Variants in XRCC5 observed in about 807,000 individuals in gnomAD.
The protein encoded by XRCC5 is X-ray repair cross complementing 5.
Under a neutral mutation model 95.7 loss-of-function variants are expected in XRCC5, and 12 were observed. That is an observed-to-expected ratio of 0.13 (90% CI 0.08 to 0.20). The LOEUF (loss-of-function observed/expected upper bound fraction) is 0.20. Ranked by LOEUF, XRCC5 falls within the 10% of genes least tolerant of loss-of-function variation. XRCC5 has a pLI of 1.00. For synonymous variants in XRCC5, 281 were observed against 290.3 expected, an observed-to-expected ratio of 0.97 and a Z score of 0.33; for missense variants, 595 against 873.9, an observed-to-expected ratio of 0.68 and a Z score of 4.02.
At chr2:216,145,042 G>A (rs1688598478) in intron 13 of XRCC5, among the ~76,000 whole-genome samples, 1 of 152,206 alleles carries the variant, frequency 6.6e-6, no homozygotes, top group Admixed American at 6.5e-5. Context: ...ACAATGGGGA[G>A]TAGAGGTGAG....
intron 8 of XRCC5, among the ~76,000 whole-genome samples, chr2:216,130,519 A>G (rs1696979575): frequency 6.6e-6 from 1 of 152,146 alleles, no homozygotes; most frequent in South Asian, 2.1e-4. Context: ...TATGTTTACA[A>G]ATCATGCTGT....
Position 216,161,282 on chromosome 2 carries a change from A to T in XRCC5, c.1765-697A>T, listed in dbSNP as rs556346250. Among the ~76,000 whole-genome samples, 7 of 152,248 alleles carry T rather than the reference A, an allele frequency of 4.6e-5. No individual in the cohort carries two copies. In the South Asian group the frequency reaches 1.5e-3, roughly 32 times the overall value. On this transcript the variant is annotated intron_variant, in intron 15 of 20. Transcript: ENST00000392132. ...AAGCTTTAGTATATTTTGGAACCCC[A>T]TTGTTTTCTTTCTTATGAGCTGAGT...
chr2:216,139,802 C>A (rs1442522227), intron 12 of XRCC5, among the ~76,000 whole-genome samples: 2 of 152,178 alleles, frequency 1.3e-5, no homozygotes, highest in African/African-American at 4.8e-5. Context: ...GCCATCACGT[C>A]CAGCCCAGAA....
intron 10 of XRCC5, among the ~76,000 whole-genome samples, chr2:216,135,409 A>G (rs1019219777): frequency 1.3e-5 from 2 of 152,208 alleles, no homozygotes; most frequent in African/African-American, 4.8e-5. Context: ...TGATGCCAGA[A>G]TAGAGGAACG....
intron 14 of XRCC5, among the ~76,000 whole-genome samples, chr2:216,157,047 G>A (rs1688856490): frequency 6.6e-6 from 1 of 152,128 alleles, no homozygotes; most frequent in Non-Finnish European, 1.5e-5. Flanking sequence ...AGAGCAGTGT[G>A]CCCAGCAACA....
chr2:216,137,084 C>T lies in XRCC5; in HGVS notation c.1114-4C>T. ...TGTGTTAATACATCCATCTTTCTTA[C>T]CAGGCAGCTGCAGTTGCACTTTCCT... On this transcript the variant is annotated splice_polypyrimidine_tract_variant and splice_region_variant and intron_variant, in intron 10 of 20. Coordinates refer to ENST00000392132, the MANE Select transcript of XRCC5 (RefSeq NM_021141.4). 1.2e-6 allele frequency: 2 copies of T among 1,611,988 alleles called. No homozygotes were observed. The highest frequency in any genetic ancestry group is 1.7e-6 in the Non-Finnish European group (2 of 1,179,026).
chr2:216,134,253 A>G (rs1482132821), intron 10 of XRCC5, among the ~76,000 whole-genome samples: 2 of 152,202 alleles, frequency 1.3e-5, no homozygotes, highest in African/African-American at 2.4e-5. Context: ...TCATTAGCAT[A>G]TAATTTTTTG....
intron 16 of XRCC5, among the ~76,000 whole-genome samples, chr2:216,167,351 T>C (rs1038592590): frequency 2.0e-4 from 30 of 152,136 alleles, no homozygotes; most frequent in African/African-American, 7.0e-4. Context: ...TTCCAAGCAA[T>C]TTCAGCACTA....
At chr2:216,189,070 AGATTCTTAGCACC>A (rs1165725274) in intron 16 of XRCC5, among the ~76,000 whole-genome samples, 1 of 152,262 alleles carries the variant, frequency 6.6e-6, no homozygotes, top group Non-Finnish European at 1.5e-5. Context: ...GGAAATAAGT[AGATTCTTAGCACC>A]GATTTCATGT....
chr2:216,125,898 T>C lies in XRCC5; in HGVS notation c.684-19T>C. 6.3e-7 allele frequency: 1 copy of C among 1,596,868 alleles called. No homozygotes were observed. Among genetic ancestry groups the C allele is most frequent in the South Asian group, 1.1e-5 (1 of 90,602 alleles). On this transcript the variant is annotated intron_variant, in intron 6 of 20. Transcript: ENST00000392132. ...CATTTAAAAATTGTTGCTTTCATTT[T>C]ATATTTTTCTTTATTAAGTGAGAGT...
At chr2:216,151,258 A>G (rs533075891) in intron 14 of XRCC5, among the ~76,000 whole-genome samples, 1 of 152,344 alleles carries the variant, frequency 6.6e-6, no homozygotes, top group South Asian at 2.1e-4. Context: ...CTCATCATAT[A>G]AAAGCATTGC....
intron 17 of XRCC5, among the ~76,000 whole-genome samples, chr2:216,192,117 G>A (rs1185194484): frequency 1.3e-5 from 2 of 152,156 alleles, no homozygotes; most frequent in African/African-American, 2.4e-5. Flanking sequence ...TCCTGCCTCA[G>A]CCTTCCAAGT....
At chr2:216,179,174 T>A (rs1689334901) in intron 16 of XRCC5, among the ~76,000 whole-genome samples, 1 of 152,212 alleles carries the variant, frequency 6.6e-6, no homozygotes, top group African/African-American at 2.4e-5. Flanking sequence ...CAATGCTCTC[T>A]TGTAGCCTTT....
At chr2:216,134,553 G>T (rs181917592) in intron 10 of XRCC5, among the ~76,000 whole-genome samples, 1 of 150,930 alleles carries the variant, frequency 6.6e-6, no homozygotes, top group Non-Finnish European at 1.5e-5. Context: ...TCAGCCTCCC[G>T]AGTAGCTGGG....
chr2:216,127,539 C>G lies in XRCC5; in HGVS notation c.802C>G (p.Leu268Val), dbSNP rs1218759921. 1 of 1,592,504 alleles carries G rather than the reference C, an allele frequency of 6.3e-7. No homozygotes were observed. Among genetic ancestry groups the G allele is most frequent in the Non-Finnish European group, 8.5e-7 (1 of 1,174,480 alleles). The change falls in exon 8 of 21, where the codon CTA (leucine) becomes GTA (valine). Residue 268 changes from leucine to valine, a missense_variant. Transcript: ENST00000392132. ...SIRIAAYKSI[L>V]QERVKKTWTV... The stretch of plus-strand genomic sequence containing the variant: ...CCTTTGTGTTTTGGAATGTAAGATT[C>G]TACAGGAGAGAGTTAAAAAGACTTG...
chr2:216,128,341 T>C (rs960713517), intron 8 of XRCC5, among the ~76,000 whole-genome samples: 4 of 152,154 alleles, frequency 2.6e-5, no homozygotes, highest in African/African-American at 9.7e-5. Context: ...CCCAGTATAG[T>C]TTTGATTTGC....
intron 13 of XRCC5, among the ~76,000 whole-genome samples, chr2:216,146,619 T>A (rs1294748690): frequency 2.0e-5 from 3 of 152,256 alleles, no homozygotes; most frequent in Non-Finnish European, 4.4e-5. Context: ...ATTTCTTTCT[T>A]TGTTTTTTAA....
At chr2:216,191,386 A>G (rs1689609162) in intron 17 of XRCC5, among the ~76,000 whole-genome samples, 1 of 152,052 alleles carries the variant, frequency 6.6e-6, no homozygotes, top group South Asian at 2.1e-4. Flanking sequence ...TTCAGTCTTA[A>G]TGGAGAGATT....
At chr2:216,188,019 CTT>C (rs1405095584) in intron 16 of XRCC5, among the ~76,000 whole-genome samples, 1 of 152,018 alleles carries the variant, frequency 6.6e-6, no homozygotes, top group Non-Finnish European at 1.5e-5. Context: ...CTCACACACA[CTT>C]TCTCTTCTTG....
Sources: gnomAD v4.1 joint callset for allele counts (sites outside exome capture counted in the v4.1 genomes callset) on GRCh38, gnomAD v4.1.1 for gene constraint, MANE v1.5 for transcripts, NCBI Gene and HGNC (gene_info 2026-07-23, HGNC 2026-07-21) for gene names.